Variants in SLC9A7 observed in about 807,000 individuals in gnomAD.
SLC9A7 encodes solute carrier family 9 member A7, also known as sodium/hydrogen exchanger 7.
SLC9A7 carries 19 observed loss-of-function variants against 52.6 expected under a neutral mutation model. The observed-to-expected ratio is 0.36, with a 90% CI of 0.25 to 0.53. SLC9A7 has a LOEUF of 0.53. SLC9A7 is among the 20% of genes least tolerant of loss of function. The pLI is 0.91. For missense variants in SLC9A7, 455 were observed against 597.9 expected (o/e 0.76, Z 2.49); for synonymous variants, 226 against 252.1 (o/e 0.90, Z 0.98).
At position 46,646,284 on chromosome X, in the gene SLC9A7, T is replaced by C. The variant is rs184734434; in HGVS notation, c.1462+2402A>G. 4.9e-3 allele frequency among the ~76,000 whole-genome samples: 541 copies of C among 111,056 alleles called. 1 individual carries two copies. The highest frequency in any genetic ancestry group is 0.017 in the African/African-American group (515 of 30,481). On this transcript the variant is annotated intron_variant, in intron 11 of 16. Coordinates refer to ENST00000616978, the MANE Select transcript of SLC9A7 (RefSeq NM_001257291.2). ...CCCTATCTCCTACTCAAGCAGGTCC[T>C]CAGTACACAAAGCCCTGGTAAAAAC...
intron 5 of SLC9A7, among the ~76,000 whole-genome samples, chrX:46,666,407 A>C (rs768782857): frequency 1.2e-4 from 14 of 112,311 alleles, no homozygotes; most frequent in Middle Eastern, 9.2e-3. Context: ...TTAAGATTTT[A>C]TCTCTTTTAT....
chrX:46,679,931 C>T (rs2146864143), intron 2 of SLC9A7, among the ~76,000 whole-genome samples, 176 bp from the exon 3 acceptor site: 1 of 112,491 alleles, frequency 8.9e-6, no homozygotes, highest in South Asian at 3.6e-4. Context: ...CATGGACTGG[C>T]ATGCTCTTCT....
At chrX:46,608,623 T>C (rs1942791580) in intron 16 of SLC9A7, among the ~76,000 whole-genome samples, 1 of 112,215 alleles carries the variant, frequency 8.9e-6, no homozygotes, top group African/African-American at 3.2e-5. Flanking sequence ...AAACTCAATC[T>C]GCTTTACAGT....
intron 1 of SLC9A7, among the ~76,000 whole-genome samples, chrX:46,745,844 TAA>T (rs757931369): frequency 2.3e-5 from 2 of 87,100 alleles, no homozygotes; most frequent in Non-Finnish European, 2.3e-5. Context: ...CTGTCTCTAT[TAA>T]AAAAAAAAAA....
rs751083991 is a variant in SLC9A7 at position 46,643,216 on chromosome X, A to G, written c.1616+20T>C. On this transcript the variant is annotated intron_variant, in intron 12 of 16. Coordinates refer to ENST00000616978, the MANE Select transcript of SLC9A7 (RefSeq NM_001257291.2). ...ACGGTGACAACTGACATACTCAATT[A>G]GCCTTGGTTCCAAACCAACCTGATG... The G allele has an allele frequency of 8.4e-7, 1 of 1,193,129 alleles. No individual in the cohort carries two copies. The highest frequency in any genetic ancestry group is 1.1e-6 in the Non-Finnish European group (1 of 880,987).
In SLC9A7 at chrX:46,682,527, C is replaced by T. The variant is rs1488773273; in HGVS notation, c.334G>A (p.Val112Ile). ...TGLAMIYGLI[V>I]GVILRYGTPA... ...GTACCATACCTCAGGATCACCCCAA[C>T]GATGAGCCCTGAAAGAGTGGAAAAA... The change falls in exon 2 of 17, where the codon GTT (valine) becomes ATT (isoleucine). Residue 112 changes from valine to isoleucine, a missense_variant. Around this residue, in one of 3 missense-constraint regions of SLC9A7, gnomAD observed 304 missense variants for 417.8 expected, o/e 0.73. Coordinates refer to ENST00000616978, the MANE Select transcript of SLC9A7 (RefSeq NM_001257291.2). The T allele has an allele frequency of 1.6e-5, 19 of 1,206,607 alleles. No homozygotes were observed. The highest frequency in any genetic ancestry group is 3.5e-5 in the African/African-American group (2 of 56,834).
chrX:46,743,026 G>A (rs752200815), intron 1 of SLC9A7, among the ~76,000 whole-genome samples: 56 of 110,401 alleles, frequency 5.1e-4, no homozygotes, highest in African/African-American at 1.7e-3. Context: ...ACTCCAGCCT[G>A]GGTGACACAG....
chrX:46,665,978 A>G (rs1481087964), intron 5 of SLC9A7, among the ~76,000 whole-genome samples: 1 of 112,135 alleles, frequency 8.9e-6, no homozygotes, highest in Non-Finnish European at 1.9e-5. Context: ...ACACTATCCC[A>G]CATATATTAT....
intron 1 of SLC9A7, among the ~76,000 whole-genome samples, chrX:46,756,367 T>G (rs935516122): frequency 8.9e-6 from 1 of 112,533 alleles, no homozygotes; most frequent in Admixed American, 9.4e-5. Context: ...CTGGATTTAC[T>G]TGTGTTCAAA....
At chrX:46,697,487 A>G (rs988437419) in intron 1 of SLC9A7, among the ~76,000 whole-genome samples, 6 of 111,953 alleles carry the variant, frequency 5.4e-5, no homozygotes, top group African/African-American at 2.0e-4. Context: ...TAATACTTTT[A>G]TAATTTCTTA....
chrX:46,613,567 G>A lies in SLC9A7; in HGVS notation c.1824-173C>T, dbSNP rs758463086. On this transcript the variant is annotated intron_variant, in intron 15 of 16. Coordinates refer to ENST00000616978, the MANE Select transcript of SLC9A7 (RefSeq NM_001257291.2). ...CAGTTTGAATCAAAGAGTAAGATAC[G>A]CCCTATCAGCCTTAAATAGTAACTG... is the stretch of plus-strand genomic sequence containing the variant. 2.2e-4 allele frequency among the ~76,000 whole-genome samples: 25 copies of A among 112,272 alleles called. 1 individual carries two copies. The highest frequency in any genetic ancestry group is 2.2e-3 in the South Asian group (6 of 2,704).
chrX:46,682,681 T>C (rs1944229212), intron 1 of SLC9A7, 146 bp from the exon 2 acceptor site: 8 of 521,653 alleles, frequency 1.5e-5, no homozygotes, highest in South Asian at 3.0e-5. Context: ...AGAAACTGCA[T>C]GGGCCTTCAG....
chrX:46,712,131 G>A (rs188153585), intron 1 of SLC9A7, among the ~76,000 whole-genome samples: 210 of 111,789 alleles, frequency 1.9e-3, no homozygotes, highest in African/African-American at 6.6e-3. Context: ...GAATTTTGCT[G>A]CATCTCCCTT....
chrX:46,701,672 G>A (rs1393298039), intron 1 of SLC9A7, among the ~76,000 whole-genome samples: 2 of 111,628 alleles, frequency 1.8e-5, no homozygotes, highest in Non-Finnish European at 3.8e-5. Flanking sequence ...CACCTCAGGG[G>A]CAAAGTATAC....
Position 46,745,844 on chromosome X carries a change from TA to T in SLC9A7, c.325+12860del, listed in dbSNP as rs757931369. On this transcript the variant is annotated intron_variant, in intron 1 of 16. Transcript: ENST00000616978. ...TGGGTGACAGAGACCCTGTCTCTATTAAAAAAAAAAAAAAACTAAAGGAAAC... is the reference window on the plus strand; with the variant it reads ...TGGGTGACAGAGACCCTGTCTCTATTAAAAAAAAAAAAAACTAAAGGAAAC... Among the ~76,000 whole-genome samples the T allele has an allele frequency of 3.5e-3, 307 of 87,057 alleles. 2 individuals carry two copies. Among genetic ancestry groups the T allele is most frequent in the African/African-American group, 0.01 (249 of 23,745 alleles). 75.6% of individuals were successfully genotyped at this position (87,057 alleles called of 115,157 possible).
At chrX:46,700,293 G>A (rs1256962366) in intron 1 of SLC9A7, among the ~76,000 whole-genome samples, 1 of 111,615 alleles carries the variant, frequency 9.0e-6, no homozygotes, top group African/African-American at 3.3e-5. Flanking sequence ...GTGGCTGAGG[G>A]ATCATTTAAC....
chrX:46,717,950 A>G (rs1442429818), intron 1 of SLC9A7, among the ~76,000 whole-genome samples: 1 of 111,758 alleles, frequency 8.9e-6, no homozygotes, highest in African/African-American at 3.3e-5. Context: ...AAACTACTTT[A>G]AAGTTCATAT....
At chrX:46,639,897 G>T (rs1009695863) in intron 12 of SLC9A7, among the ~76,000 whole-genome samples, 2 of 111,043 alleles carry the variant, frequency 1.8e-5, no homozygotes, top group Non-Finnish European at 3.8e-5. Context: ...ACATGTACAG[G>T]ACTTGGTTGC....
intron 1 of SLC9A7, chrX:46,725,332 G>A (rs879038494): frequency 3.4e-6 from 4 of 1,170,284 alleles, no homozygotes; most frequent in East Asian, 3.0e-5. Context: ...TTTGCTTCTA[G>A]GTCATCTTCA....
Sources: allele counts gnomAD v4.1 joint callset (sites outside exome capture counted in the v4.1 genomes callset), GRCh38; gene constraint gnomAD v4.1.1; regional missense constraint gnomAD v4.1.1; transcripts MANE v1.5; gene names NCBI Gene and HGNC (gene_info 2026-07-23, HGNC 2026-07-21).